Variants in WWOX observed in about 807,000 individuals in gnomAD.
WWOX encodes the protein WW domain containing oxidoreductase.
Under a neutral mutation model 46.2 loss-of-function variants are expected in WWOX, and 69 were observed. The ratio of observed to expected loss-of-function variants is 1.49; its 90% CI spans 1.23 to 1.82. The LOEUF is 1.82. Ranked by LOEUF, WWOX falls within the 40% of genes most tolerant of loss-of-function variation. The pLI is 0.00. For missense variants in WWOX, 919 were observed against 542.6 expected, an observed-to-expected ratio of 1.69 and a Z score of -6.89; for synonymous variants, 359 against 202.6, an observed-to-expected ratio of 1.77 and a Z score of -6.56.
At chr16:78,606,837 C>A (rs377293289) in intron 8 of WWOX, among the ~76,000 whole-genome samples, 11 of 151,294 alleles carry the variant, frequency 7.3e-5, no homozygotes, top group African/African-American at 2.4e-4. Flanking sequence ...GTGAATTAGC[C>A]TGTGTTGAAT....
rs74815359 is a variant in WWOX, at chr16:78,475,536, T to G, written c.1056+42784T>G. On this transcript the variant is annotated intron_variant, in intron 8 of 8. Coordinates refer to ENST00000566780, the MANE Select transcript of WWOX (RefSeq NM_016373.4). ...AAGGCTGACTTGGGTTGAAGATAAC[T>G]AGAGCCATGACTTTCATCTTGATGG... Among the ~76,000 whole-genome samples, 1,067 of 152,304 alleles carry G rather than the reference T, an allele frequency of 7.0e-3. 13 individuals carry two copies. Among genetic ancestry groups the G allele is most frequent in the African/African-American group, 0.025 (1,026 of 41,568 alleles).
At chr16:79,103,696 G>T (rs2049248969) in intron 8 of WWOX, among the ~76,000 whole-genome samples, 1 of 152,044 alleles carries the variant, frequency 6.6e-6, no homozygotes, top group Non-Finnish European at 1.5e-5. Flanking sequence ...TTCATAAAGG[G>T]TTTTAAACAT....
intron 8 of WWOX, among the ~76,000 whole-genome samples, chr16:78,465,606 A>G (rs1320799982): frequency 6.6e-6 from 1 of 152,240 alleles, no homozygotes; most frequent in Non-Finnish European, 1.5e-5. Context: ...TGAATTTAAC[A>G]TGCTTTTCAG....
intron 8 of WWOX, among the ~76,000 whole-genome samples, chr16:78,453,216 G>C (rs1374319571): frequency 1.3e-5 from 2 of 152,060 alleles, no homozygotes; most frequent in Admixed American, 6.6e-5. Flanking sequence ...CTAAGGTCAG[G>C]AGTTTGATAA....
chr16:79,076,418 C>G (rs1296253833), intron 8 of WWOX, among the ~76,000 whole-genome samples: 1 of 152,274 alleles, frequency 6.6e-6, no homozygotes, highest in Admixed American at 6.5e-5. Flanking sequence ...TTTTCTGAAG[C>G]TATTGTGAAT....
chr16:78,725,611 T>G (rs1386408955), intron 8 of WWOX, among the ~76,000 whole-genome samples: 1 of 152,018 alleles, frequency 6.6e-6, no homozygotes, highest in Admixed American at 6.6e-5. Flanking sequence ...CCTCCCAAAG[T>G]CAGGTGTGTC....
intron 8 of WWOX, among the ~76,000 whole-genome samples, chr16:78,880,718 G>T (rs979183530): frequency 6.6e-6 from 1 of 152,222 alleles, no homozygotes; most frequent in Non-Finnish European, 1.5e-5. Flanking sequence ...TCACATAAGT[G>T]TGAGTGACTA....
chr16:78,963,288 G>C (rs528637534), intron 8 of WWOX, among the ~76,000 whole-genome samples: 1 of 152,120 alleles, frequency 6.6e-6, no homozygotes, highest in South Asian at 2.1e-4. Flanking sequence ...GGGCAACATA[G>C]TGAGGCCTTA....
At chr16:78,686,504 C>A (rs866096140) in intron 8 of WWOX, among the ~76,000 whole-genome samples, 3 of 114,506 alleles carry the variant, frequency 2.6e-5, no homozygotes, top group East Asian at 2.4e-4. Flanking sequence ...GAGCGAGACT[C>A]CCTGTCAAAA....
At chr16:79,058,345 C>T (rs1378678488) in intron 8 of WWOX, among the ~76,000 whole-genome samples, 1 of 151,084 alleles carries the variant, frequency 6.6e-6, no homozygotes, top group African/African-American at 2.4e-5. Flanking sequence ...AAATAAGCTG[C>T]TTTTAGTATC....
intron 8 of WWOX, among the ~76,000 whole-genome samples, chr16:79,156,860 GAAGGA>G (rs2050392133): frequency 1.4e-5 from 2 of 145,708 alleles, no homozygotes; most frequent in Non-Finnish European, 3.0e-5. Context: ...TCTACAGGCT[GAAGGA>G]AAGAAAAAAC....
At chr16:78,466,394 A>G (rs1351521765) in intron 8 of WWOX, among the ~76,000 whole-genome samples, 1 of 152,224 alleles carries the variant, frequency 6.6e-6, no homozygotes, top group Non-Finnish European at 1.5e-5. Flanking sequence ...TAGCTCTACA[A>G]CACTGTCAAT....
chr16:78,503,414 C>A (rs919054776), intron 8 of WWOX, among the ~76,000 whole-genome samples: 3 of 151,830 alleles, frequency 2.0e-5, no homozygotes, highest in African/African-American at 7.3e-5. Context: ...TACTCCAGAT[C>A]TTCAGTGTGG....
At chr16:78,576,338 C>G (rs1028277512) in intron 8 of WWOX, among the ~76,000 whole-genome samples, 5 of 152,182 alleles carry the variant, frequency 3.3e-5, no homozygotes, top group Admixed American at 6.5e-5. Flanking sequence ...AAAATTTATA[C>G]TTCATAATTG....
At chr16:78,745,187 C>A (rs1189749009) in intron 8 of WWOX, among the ~76,000 whole-genome samples, 1 of 152,202 alleles carries the variant, frequency 6.6e-6, no homozygotes, top group Admixed American at 6.5e-5. Context: ...CAGCCAGGAT[C>A]TTTCCTGGAA....
At chr16:79,182,417 A>T (rs1265930192) in intron 8 of WWOX, among the ~76,000 whole-genome samples, 3 of 151,956 alleles carry the variant, frequency 2.0e-5, no homozygotes, top group Non-Finnish European at 4.4e-5. Context: ...TTATCCCGTT[A>T]ATATATGTTA....
At chr16:78,927,431 A>G (rs957917900) in intron 8 of WWOX, among the ~76,000 whole-genome samples, 6 of 152,142 alleles carry the variant, frequency 3.9e-5, no homozygotes, top group African/African-American at 1.4e-4. Flanking sequence ...GTCTGTCTAC[A>G]TGTTTGTTTG....
At chr16:78,192,331 C>G (rs2035908677) in intron 5 of WWOX, among the ~76,000 whole-genome samples, 1 of 151,870 alleles carries the variant, frequency 6.6e-6, no homozygotes, top group South Asian at 2.1e-4. Flanking sequence ...TCCGTCTCTA[C>G]TAAAAATTCA....
At chr16:78,519,490 AAT>A (rs375221050) in intron 8 of WWOX, among the ~76,000 whole-genome samples, 1,647 of 149,334 alleles carry the variant, frequency 0.011, 37 homozygotes, top group African/African-American at 0.037. Context: ...ACATCTATGA[AAT>A]ATATATATAT....
Sources: gnomAD v4.1 joint callset for allele counts (sites outside exome capture counted in the v4.1 genomes callset) on GRCh38, gnomAD v4.1.1 for gene constraint, MANE v1.5 for transcripts, NCBI Gene and HGNC (gene_info 2026-07-23, HGNC 2026-07-21) for gene names.